SGMS1: variants seen among roughly 807,000 people sequenced by gnomAD.
The protein encoded by SGMS1 is sphingomyelin synthase 1.
SGMS1 carries 13 observed loss-of-function variants against 46.2 expected under a neutral mutation model. That is an observed-to-expected ratio of 0.28 (90% CI 0.18 to 0.45). SGMS1 has a LOEUF of 0.45. Among genes scored for constraint, SGMS1 ranks in the 20% least tolerant of loss-of-function variants. The pLI, the probability that SGMS1 is intolerant of heterozygous loss-of-function variation, is 1.00. For synonymous variants in SGMS1, 203 were observed against 187.8 expected (o/e 1.08, Z -0.66); for missense variants, 324 against 519.9 (o/e 0.62, Z 3.66).
At chr10:50,506,298 A>T (rs2133765219) in intron 3 of SGMS1, among the ~76,000 whole-genome samples, 1 of 152,370 alleles carries the variant, frequency 6.6e-6, no homozygotes, top group South Asian at 2.1e-4. Flanking sequence ...GGCAAAGACC[A>T]TATTGATTGT....
intron 6 of SGMS1, among the ~76,000 whole-genome samples, chr10:50,373,611 A>G (rs993150036): frequency 7.2e-5 from 11 of 152,258 alleles, no homozygotes; most frequent in Non-Finnish European, 1.3e-4. Flanking sequence ...ATAAAAGACA[A>G]ATAAGGAACA....
intron 6 of SGMS1, among the ~76,000 whole-genome samples, chr10:50,410,521 C>G (rs1435070658): frequency 2.6e-5 from 4 of 152,170 alleles, no homozygotes; most frequent in Non-Finnish European, 5.9e-5. Flanking sequence ...TGTCTGATGG[C>G]AGATCTCTGA....
intron 2 of SGMS1, among the ~76,000 whole-genome samples, chr10:50,533,299 G>A (rs1320805586): frequency 6.6e-6 from 1 of 152,094 alleles, no homozygotes; most frequent in African/African-American, 2.4e-5. Flanking sequence ...TAATTGTGAT[G>A]GAACTGGCAA....
intron 7 of SGMS1, among the ~76,000 whole-genome samples, chr10:50,338,867 G>C (rs543178114): frequency 6.6e-6 from 1 of 152,162 alleles, no homozygotes; most frequent in African/African-American, 2.4e-5. Flanking sequence ...AGTCTCCCGA[G>C]TAGCTGGGAT....
chr10:50,374,852 C>T (rs1848499270), intron 6 of SGMS1, among the ~76,000 whole-genome samples: 1 of 152,212 alleles, frequency 6.6e-6, no homozygotes, highest in African/African-American at 2.4e-5. Flanking sequence ...TCATAGCTCA[C>T]TCCTTTGCCT....
At chr10:50,558,651 T>G (rs922927100) in intron 2 of SGMS1, among the ~76,000 whole-genome samples, 9 of 152,168 alleles carry the variant, frequency 5.9e-5, no homozygotes. Context: ...GGTCCACTTA[T>G]ACACAGATTT....
At chr10:50,586,511 T>G (rs1456021664) in intron 2 of SGMS1, among the ~76,000 whole-genome samples, 1 of 152,246 alleles carries the variant, frequency 6.6e-6, no homozygotes, top group Non-Finnish European at 1.5e-5. Flanking sequence ...TAACACTTAA[T>G]ATCAACACCT....
At chr10:50,544,218 C>T (rs901341626) in intron 2 of SGMS1, among the ~76,000 whole-genome samples, 19 of 152,182 alleles carry the variant, frequency 1.2e-4, no homozygotes, top group Non-Finnish European at 2.8e-4. Flanking sequence ...TTAATCCTCC[C>T]AGCAACTCTG....
rs1387328334 is a variant in SGMS1, at chr10:50,305,951, T to C, written c.*1191A>G. 6.5e-6 allele frequency: 1 copy of C among 152,698 alleles called. No individual in the cohort carries two copies. Among genetic ancestry groups the C allele is most frequent in the African/African-American group, 2.4e-5 (1 of 41,464 alleles). 9.5% of individuals were successfully genotyped at this position (152,698 alleles called of 1,614,324 possible). A position where few individuals can be genotyped will look rare whatever the true frequency, so the allele number is the denominator to read the frequency against. The stretch of plus-strand genomic sequence containing the variant: ...GTTAGGAGTAAAACTTAGAGTTACA[T>C]GCAGTTTCTGCACAAATATCTTTTA... On this transcript the variant is annotated 3_prime_UTR_variant, in exon 11 of 11. Coordinates refer to ENST00000361781, the MANE Select transcript of SGMS1 (RefSeq NM_147156.4).
chr10:50,327,898 A>T (rs772220114), intron 7 of SGMS1, among the ~76,000 whole-genome samples: 27 of 152,308 alleles, frequency 1.8e-4, no homozygotes, highest in Non-Finnish European at 3.7e-4. Flanking sequence ...GCAGCTTGGG[A>T]TGCACATTTA....
chr10:50,482,414 C>T (rs559742262), intron 3 of SGMS1, among the ~76,000 whole-genome samples: 1 of 152,256 alleles, frequency 6.6e-6, no homozygotes, highest in East Asian at 1.9e-4. Flanking sequence ...TCATATACGG[C>T]CAAACTAAGC....
chr10:50,587,312 A>T (rs1300327593), intron 2 of SGMS1, among the ~76,000 whole-genome samples: 1 of 152,222 alleles, frequency 6.6e-6, no homozygotes, highest in Admixed American at 6.5e-5. Context: ...AAAATTAAGG[A>T]AATATGAGGT....
At chr10:50,355,580 T>C (rs1050698966) in intron 6 of SGMS1, among the ~76,000 whole-genome samples, 1 of 152,154 alleles carries the variant, frequency 6.6e-6, no homozygotes, top group African/African-American at 2.4e-5. Flanking sequence ...CAGTGCTCAA[T>C]GTTGCCCAGG....
At chr10:50,481,558 A>G (rs1372659612) in intron 3 of SGMS1, among the ~76,000 whole-genome samples, 2 of 152,222 alleles carry the variant, frequency 1.3e-5, no homozygotes, top group Non-Finnish European at 2.9e-5. Context: ...GATTGAAGGT[A>G]GATAGAGAAA....
intron 6 of SGMS1, among the ~76,000 whole-genome samples, chr10:50,388,545 A>G (rs1848717841): frequency 6.6e-6 from 1 of 151,816 alleles, no homozygotes. Flanking sequence ...CTCAGGAGGC[A>G]GAGGCTGCAG....
rs138133681 is a variant in SGMS1 at position 50,417,140 on chromosome 10, T to A, written c.-232+16336A>T. Among the ~76,000 whole-genome samples, 31 of 152,304 alleles carry A rather than the reference T, an allele frequency of 2.0e-4. No individual in the cohort carries two copies. In the East Asian group the frequency reaches 5.8e-3, roughly 28 times the overall value. Reference sequence around the variant, plus strand: ...ATGATAACTTCCCTGTTGCATTGTGTATATCCTCAGTCGTCACAGGATTCC... The same window carrying A: ...ATGATAACTTCCCTGTTGCATTGTGAATATCCTCAGTCGTCACAGGATTCC... On this transcript the variant is annotated intron_variant, in intron 6 of 10. Transcript: ENST00000361781.
intron 5 of SGMS1, among the ~76,000 whole-genome samples, chr10:50,435,786 T>C (rs555539973): frequency 6.6e-6 from 1 of 152,286 alleles, no homozygotes; most frequent in African/African-American, 2.4e-5. Context: ...AAATACAAGA[T>C]TCACCAGGTG....
At chr10:50,445,717 T>C (rs547275132) in intron 5 of SGMS1, among the ~76,000 whole-genome samples, 1 of 152,220 alleles carries the variant, frequency 6.6e-6, no homozygotes, top group South Asian at 2.1e-4. Flanking sequence ...GTACAAATTG[T>C]TTAAACAATA....
intron 7 of SGMS1, among the ~76,000 whole-genome samples, chr10:50,331,883 G>A (rs185690772): frequency 2.0e-3 from 297 of 152,202 alleles, no homozygotes; most frequent in African/African-American, 6.9e-3. Context: ...CAGGAACTTG[G>A]CCCTCACTAG....
Sources: allele counts gnomAD v4.1 joint callset (sites outside exome capture counted in the v4.1 genomes callset), GRCh38; gene constraint gnomAD v4.1.1; transcripts MANE v1.5; gene names NCBI Gene and HGNC (gene_info 2026-07-23, HGNC 2026-07-21).